The following ADAMTS2 variants were observed in gnomAD, a reference collection of about 807,000 sequenced individuals.
The protein encoded by ADAMTS2 is ADAM metallopeptidase with thrombospondin type 1 motif 2.
A neutral mutation model predicts 123.0 loss-of-function variants in ADAMTS2; 50 were observed. The observed-to-expected ratio is 0.41, with a 90% CI of 0.32 to 0.51. The LOEUF (loss-of-function observed/expected upper bound fraction) is 0.51, where lower values mean the gene tolerates loss of function less well. Ranked by LOEUF, ADAMTS2 falls within the 20% of genes least tolerant of loss-of-function variation. The pLI, the probability that ADAMTS2 is intolerant of heterozygous loss-of-function variation, is 0.35. For synonymous variants in ADAMTS2, 678 were observed against 695.4 expected (o/e 0.98, Z 0.39); for missense variants, 1,494 against 1,705.2 (o/e 0.88, Z 2.18).
In ADAMTS2 at chr5:179,136,002, G is replaced by C. The variant is rs1301260955; in HGVS notation, c.1992C>G (p.Thr664=). The change falls in exon 13 of 22, where the codon ACC becomes ACG. Residue 664 remains threonine, a synonymous_variant. Transcript: ENST00000251582. The stretch of plus-strand genomic sequence containing the variant: ...TGCGCTTCATGGACACCACCTCCCC[G>C]GTCTCCCTGGACTCGCAGTACAGGT... The part of the protein sequence containing the change: ...RCHLYCESRE[T]GEVVSMKRMV... The C allele has an allele frequency of 6.2e-7, 1 of 1,613,396 alleles. No homozygotes were observed. Among genetic ancestry groups the C allele is most frequent in the Non-Finnish European group, 8.5e-7 (1 of 1,180,038 alleles).
intron 7 of ADAMTS2, 108 bp from the exon 8 acceptor site, chr5:179,154,300 G>T: frequency 1.4e-6 from 2 of 1,474,448 alleles, no homozygotes; most frequent in South Asian, 1.2e-5. Context: ...CGGGCCTCCT[G>T]ACCTTGGCCC....
At chr5:179,289,397 C>T (rs984358570) in intron 2 of ADAMTS2, among the ~76,000 whole-genome samples, 44 of 152,112 alleles carry the variant, frequency 2.9e-4, no homozygotes, top group Non-Finnish European at 2.6e-4. Flanking sequence ...CAGGGTAATT[C>T]AACTAAAAAT....
intron 4 of ADAMTS2, among the ~76,000 whole-genome samples, chr5:179,193,597 C>T (rs1771251324): frequency 6.6e-6 from 1 of 152,144 alleles, no homozygotes; most frequent in South Asian, 2.1e-4. Context: ...CGAGGAGTTC[C>T]ACACCCACAG....
chr5:179,250,650 C>G (rs73333211), intron 3 of ADAMTS2, among the ~76,000 whole-genome samples: 1 of 152,222 alleles, frequency 6.6e-6, no homozygotes, highest in Non-Finnish European at 1.5e-5. Context: ...CTGTGGGTGA[C>G]GCAGCATTAC....
rs930177840 is a variant in ADAMTS2, at chr5:179,272,333, T to G, written c.688+578A>C. Among the ~76,000 whole-genome samples, 9 of 152,160 alleles carry G rather than the reference T, an allele frequency of 5.9e-5. No homozygotes were observed. Among genetic ancestry groups the G allele is most frequent in the African/African-American group, 1.7e-4 (7 of 41,434 alleles). On this transcript the variant is annotated intron_variant, in intron 3 of 21. Coordinates refer to ENST00000251582, the MANE Select transcript of ADAMTS2 (RefSeq NM_014244.5). This position sits in a 1 kb window ranked among gnomAD's most constrained non-coding sequence, Gnocchi z 5.8. ...GACGCCCATGAGTCTGTGCAGAGAC[T>G]GCTGAGGCTGCTGGGAGCACCTCCA...
At chr5:179,204,301 C>T (rs1312092248) in intron 4 of ADAMTS2, among the ~76,000 whole-genome samples, 1 of 152,198 alleles carries the variant, frequency 6.6e-6, no homozygotes, top group Non-Finnish European at 1.5e-5. Context: ...TGTGCTTACG[C>T]CACCGAATCG....
intron 3 of ADAMTS2, among the ~76,000 whole-genome samples, chr5:179,207,986 G>A (rs1456178211): frequency 2.0e-5 from 3 of 152,256 alleles, no homozygotes; most frequent in South Asian, 4.2e-4. Flanking sequence ...CACAGCAGGG[G>A]CCACAGTGGC....
intron 2 of ADAMTS2, 47 bp downstream of exon 2, chr5:179,343,720 C>T: frequency 6.3e-7 from 1 of 1,591,622 alleles, no homozygotes; most frequent in African/African-American, 1.3e-5. Flanking sequence ...TTCCAAAACC[C>T]AGGCGAGAGC....
chr5:179,153,671 A>G (rs777408823), intron 8 of ADAMTS2, 48 bp from the exon 9 acceptor site: 77 of 1,571,888 alleles, frequency 4.9e-5, no homozygotes, highest in Non-Finnish European at 6.4e-5. Context: ...GCGGCTGACC[A>G]TCCACAGCCC....
chr5:179,153,418 C>A, intron 9 of ADAMTS2, 73 bp downstream of exon 9: 1 of 1,593,392 alleles, frequency 6.3e-7, no homozygotes. Flanking sequence ...CACACTGTCC[C>A]GGGAGCTGCC....
chr5:179,238,991 A>T (rs1765598111), intron 3 of ADAMTS2, among the ~76,000 whole-genome samples: 1 of 152,062 alleles, frequency 6.6e-6, no homozygotes, highest in Non-Finnish European at 1.5e-5. Context: ...GGGAGGAAGG[A>T]CGACAGCTAA....
Position 179,114,343 on chromosome 5 carries a change from A to C in ADAMTS2, c.3179-19T>G. On this transcript the variant is annotated intron_variant, in intron 21 of 21. Transcript: ENST00000251582. ...TGGCCCTCTGAAAAAGAAAAGTGGG[A>C]CAAATAACCAAAGGACAAGATAAGG... 1.2e-6 allele frequency: 2 copies of C among 1,607,806 alleles called. No homozygotes were observed. Among genetic ancestry groups the C allele is most frequent in the Non-Finnish European group, 1.7e-6 (2 of 1,176,924 alleles).
chr5:179,325,332 C>T (rs976507055), intron 2 of ADAMTS2, among the ~76,000 whole-genome samples: 1 of 152,092 alleles, frequency 6.6e-6, no homozygotes, highest in Admixed American at 6.5e-5. Flanking sequence ...GAAGGGAGAC[C>T]GCGTGCTTAT....
Position 179,207,531 on chromosome 5 carries a change from C to A in ADAMTS2, c.873G>T (p.Leu291=). The A allele has an allele frequency of 6.3e-7, 1 of 1,593,136 alleles. No individual in the cohort carries two copies. Among genetic ancestry groups the A allele is most frequent in the East Asian group, 2.3e-5 (1 of 43,122 alleles). ...FHGKEHVQKY[L]LTLMNIVNEI... is the part of the protein sequence containing the mutation. ...CACTCACAATGTTCATGAGTGTCAG[C>A]AGGTACTTCTGTACGTGCTCCTTCC... The change falls in exon 4 of 22, where the codon CTG becomes CTT. Residue 291 remains leucine, a synonymous_variant. Coordinates refer to ENST00000251582, the MANE Select transcript of ADAMTS2 (RefSeq NM_014244.5).
chr5:179,145,479 A>T (rs903998870), intron 10 of ADAMTS2, among the ~76,000 whole-genome samples: 4 of 152,222 alleles, frequency 2.6e-5, no homozygotes, highest in Admixed American at 6.5e-5. Context: ...ATGTCCATCA[A>T]CTAATAAATG....
Position 179,154,125 on chromosome 5 carries a change from C to T in ADAMTS2, c.1306G>A (p.Ala436Thr), listed in dbSNP as rs1291508698. The change falls in exon 8 of 22, where the codon GCG (alanine) becomes ACG (threonine). Residue 436 changes from alanine (A) to threonine (T), a missense_variant. Physicochemically the swap from Ala to Thr is moderately conservative, Grantham distance 58 (BLOSUM62 0). Around this residue, in one of 6 missense-constraint regions of ADAMTS2, gnomAD observed 953 missense variants for 1,124.7 expected, o/e 0.85. Coordinates refer to ENST00000251582, the MANE Select transcript of ADAMTS2 (RefSeq NM_014244.5). ...TGGAAGGCGGCCTGCACCAGGGGCG[C>T]CATGATGCTGCCCAGCCGCACCTCG... ...GDEVRLGSIM[A>T]PLVQAAFHRF... 6.3e-7 allele frequency: 1 copy of T among 1,594,182 alleles called. No homozygotes were observed.
intron 2 of ADAMTS2, among the ~76,000 whole-genome samples, chr5:179,341,550 A>AT (rs1757774193): frequency 6.6e-6 from 1 of 151,842 alleles, no homozygotes. Context: ...AATTAAAAAA[A>AT]AAATAAAAAA....
In ADAMTS2 at chr5:179,332,042, A is replaced by C. The variant is rs909161252; in HGVS notation, c.534+11725T>G. On this transcript the variant is annotated intron_variant, in intron 2 of 21. Transcript: ENST00000251582. This position sits in a 1 kb window ranked among gnomAD's most constrained non-coding sequence, Gnocchi z 4.2. ...GGCTATAAATTGGGCGGGTCCCACA[A>C]CTCCCTCCTCAGGTTCTGTAATTTG... 1.4e-4 allele frequency among the ~76,000 whole-genome samples: 21 copies of C among 152,074 alleles called. No individual in the cohort carries two copies. The highest frequency in any genetic ancestry group is 2.1e-4 in the South Asian group (1 of 4,814).
chr5:179,217,972 C>G (rs1365494062), intron 3 of ADAMTS2, among the ~76,000 whole-genome samples: 1 of 152,142 alleles, frequency 6.6e-6, no homozygotes, highest in Non-Finnish European at 1.5e-5. Context: ...ACTGCCTCAA[C>G]CTGCCAACCA....
Sources: gnomAD v4.1 joint callset for allele counts (sites outside exome capture counted in the v4.1 genomes callset) on GRCh38, gnomAD v4.1.1 for gene constraint, gnomAD v4.1.1 regional missense constraint, Gnocchi (gnomAD v3.1) non-coding constraint, MANE v1.5 for transcripts, NCBI Gene and HGNC (gene_info 2026-07-23, HGNC 2026-07-21) for gene names.